TRPM3: variants seen among roughly 807,000 people sequenced by gnomAD.
TRPM3 encodes transient receptor potential cation channel subfamily M member 3.
A neutral mutation model predicts 181.2 loss-of-function variants in TRPM3; 77 were observed. The observed-to-expected ratio is 0.42, with a 90% confidence interval of 0.35 to 0.51. The LOEUF (loss-of-function observed/expected upper bound fraction) is 0.51. Among genes scored for constraint, TRPM3 ranks in the 20% least tolerant of loss-of-function variants. TRPM3 has a pLI of 0.01. For missense variants in TRPM3, 1,759 were observed against 2,196.7 expected, an observed-to-expected ratio of 0.80 and a Z score of 3.98; for synonymous variants, 745 against 796.4, an observed-to-expected ratio of 0.94 and a Z score of 1.09.
At position 70,983,209 on chromosome 9, in the gene TRPM3, GT is replaced by G. The variant is rs533079201; in HGVS notation, c.178-118699del. ...TGATGTTCATGGCCCCACTGCTCTAGTTTTTTTCCTATCACCCCCATCATAC... is the reference window on the plus strand; with the variant it reads ...TGATGTTCATGGCCCCACTGCTCTAGTTTTTTCCTATCACCCCCATCATAC... On this transcript the variant is annotated intron_variant, in intron 1 of 25. Transcript: ENST00000677713. Among the ~76,000 whole-genome samples the G allele has an allele frequency of 2.5e-3, 379 of 152,056 alleles. 1 individual carries two copies. Among genetic ancestry groups the G allele is most frequent in the African/African-American group, 8.8e-3 (366 of 41,448 alleles).
chr9:70,971,147 C>G (rs2097240420), intron 1 of TRPM3, among the ~76,000 whole-genome samples: 1 of 152,074 alleles, frequency 6.6e-6, no homozygotes, highest in African/African-American at 2.4e-5. Flanking sequence ...CTGAAAAACA[C>G]TGAATTATAA....
intron 3 of TRPM3, among the ~76,000 whole-genome samples, chr9:70,856,281 G>T (rs1026643106): frequency 6.6e-6 from 1 of 152,228 alleles, no homozygotes; most frequent in African/African-American, 2.4e-5. Context: ...CCTTCCAAAG[G>T]TACTGCCAGT....
chr9:71,137,425 T>C (rs2074835392), intron 1 of TRPM3, among the ~76,000 whole-genome samples: 4 of 151,926 alleles, frequency 2.6e-5, no homozygotes, highest in African/African-American at 7.2e-5. Context: ...TAAGACCAGC[T>C]CATCTAAGCA....
chr9:70,591,567 C>T (rs574705534), intron 21 of TRPM3, among the ~76,000 whole-genome samples: 1 of 152,078 alleles, frequency 6.6e-6, no homozygotes, highest in South Asian at 2.1e-4. Context: ...TTTCTCTGCT[C>T]CTGGGGGAGG....
At chr9:71,036,150 C>T (rs1486932312) in intron 1 of TRPM3, among the ~76,000 whole-genome samples, 1 of 152,012 alleles carries the variant, frequency 6.6e-6, no homozygotes, top group Non-Finnish European at 1.5e-5. Flanking sequence ...TGTCATGCTA[C>T]ATTTTGACAA....
intron 1 of TRPM3, among the ~76,000 whole-genome samples, chr9:71,218,515 T>C (rs990978064): frequency 1.3e-5 from 2 of 152,248 alleles, no homozygotes; most frequent in African/African-American, 2.4e-5. Context: ...TCATTATCTA[T>C]GAAATTTGCC....
Position 71,310,204 on chromosome 9 carries a change from G to A in TRPM3, c.183+136449C>T, listed in dbSNP as rs140866343. On this transcript the variant is annotated intron_variant, in intron 1 of 24. Coordinates refer to the TRPM3 transcript ENST00000357533. ...TAAATGAGGTAAGAATCATCACACA[G>A]TAACTGAAATTATAATCTATTATGT... 6.4e-3 allele frequency among the ~76,000 whole-genome samples: 975 copies of A among 151,928 alleles called. 4 individuals are homozygous for A. Among genetic ancestry groups the A allele is most frequent in the Middle Eastern group, 0.01 (3 of 294 alleles).
At chr9:71,173,026 G>GT (rs2076941455) in intron 1 of TRPM3, among the ~76,000 whole-genome samples, 1 of 152,054 alleles carries the variant, frequency 6.6e-6, no homozygotes, top group Non-Finnish European at 1.5e-5. Flanking sequence ...CACTAGAAGG[G>GT]TTTTTTCCCA....
Position 71,109,509 on chromosome 9 carries a change from A to G in TRPM3, c.177+11669T>C, listed in dbSNP as rs549879663. ...ATACCAACTATACGCAAACACAAAC[A>G]TATTAATTTATGAATAATACAAAAC... On this transcript the variant is annotated intron_variant, in intron 1 of 25. Coordinates refer to ENST00000677713, the MANE Select transcript of TRPM3 (RefSeq NM_001366145.2). Among the ~76,000 whole-genome samples the G allele has an allele frequency of 5.9e-5, 9 of 152,332 alleles. No homozygotes were observed. The South Asian group carries it at 1.9e-3, about 32-fold the overall frequency.
intron 6 of TRPM3, among the ~76,000 whole-genome samples, chr9:70,819,788 A>T (rs528525269): frequency 6.6e-6 from 1 of 152,236 alleles, no homozygotes; most frequent in Non-Finnish European, 1.5e-5. Flanking sequence ...GAAATTTCCT[A>T]TACCCAAGGT....
chr9:70,896,142 A>G (rs1184438862), intron 1 of TRPM3, among the ~76,000 whole-genome samples: 1 of 152,144 alleles, frequency 6.6e-6, no homozygotes, highest in East Asian at 1.9e-4. Flanking sequence ...CATAGAAACC[A>G]GAACAGTAAC....
chr9:71,250,656 G>C (rs2082290925), intron 1 of TRPM3, among the ~76,000 whole-genome samples: 1 of 152,178 alleles, frequency 6.6e-6, no homozygotes, highest in South Asian at 2.1e-4. Context: ...AGGAGGATGT[G>C]AACAAAGGTC....
chr9:70,689,329 A>G (rs1013957158), intron 8 of TRPM3, among the ~76,000 whole-genome samples: 1 of 152,176 alleles, frequency 6.6e-6, no homozygotes, highest in Non-Finnish European at 1.5e-5. Context: ...CAATAATAAT[A>G]CATTGTAGAA....
At chr9:70,802,777 G>T (rs2089493650) in intron 6 of TRPM3, among the ~76,000 whole-genome samples, 1 of 152,082 alleles carries the variant, frequency 6.6e-6, no homozygotes, top group African/African-American at 2.4e-5. Flanking sequence ...TTTTAATAGG[G>T]ATTTCACTGC....
intron 1 of TRPM3, among the ~76,000 whole-genome samples, chr9:71,249,734 T>C (rs1452310978): frequency 6.6e-6 from 1 of 152,162 alleles, no homozygotes; most frequent in African/African-American, 2.4e-5. Flanking sequence ...AAAGACCTTC[T>C]CTTTAGTACA....
chr9:70,838,753 G>A (rs896577116), intron 5 of TRPM3, among the ~76,000 whole-genome samples: 1 of 152,092 alleles, frequency 6.6e-6, no homozygotes, highest in Non-Finnish European at 1.5e-5. Flanking sequence ...AACAGTGTAT[G>A]TTTTCAGGCC....
chr9:70,545,421 G>T (rs571771872), intron 25 of TRPM3, among the ~76,000 whole-genome samples: 84 of 152,204 alleles, frequency 5.5e-4, no homozygotes, highest in African/African-American at 2.0e-3. Context: ...CTGCTGGAAA[G>T]CAGGATAAGC....
chr9:70,625,202 C>G lies in TRPM3; in HGVS notation c.1798G>C (p.Gly600Arg), dbSNP rs2064338228. ...RFRTLYHNLF[G>R]PKRPKALKLL... is the part of the protein sequence containing the mutation. ...GCAGCCAGCCTCACCCTCTTGGGGCCGAAGAGGTTGTGGTAGAGGGTCCGG... is the reference window on the plus strand; with the variant it reads ...GCAGCCAGCCTCACCCTCTTGGGGCGGAAGAGGTTGTGGTAGAGGGTCCGG... Residue 600 changes from glycine to arginine, a missense_variant, in exon 14 of 26, where the codon GGC becomes CGC. By Grantham distance (125) the Gly-to-Arg change is moderately radical. Coordinates refer to ENST00000677713, the MANE Select transcript of TRPM3 (RefSeq NM_001366145.2). The surrounding 1 kb of genome is among the most constrained non-coding windows in gnomAD (Gnocchi z 4.8). 1 of 1,613,842 alleles carries G rather than the reference C, an allele frequency of 6.2e-7. No homozygotes were observed. Among genetic ancestry groups the G allele is most frequent in the African/African-American group, 1.3e-5 (1 of 74,898 alleles).
At chr9:71,016,817 TTC>T (rs2097788968) in intron 1 of TRPM3, among the ~76,000 whole-genome samples, 1 of 152,182 alleles carries the variant, frequency 6.6e-6, no homozygotes, top group Admixed American at 6.5e-5. Context: ...GAGGAACACG[TTC>T]TGTTTTCTAC....
Sources: allele counts gnomAD v4.1 joint callset (sites outside exome capture counted in the v4.1 genomes callset), GRCh38; gene constraint gnomAD v4.1.1; non-coding constraint Gnocchi (gnomAD v3.1); transcripts MANE v1.5; gene names NCBI Gene and HGNC (gene_info 2026-07-23, HGNC 2026-07-21).